Variants in FAM107A observed in about 807,000 individuals in gnomAD.
FAM107A encodes the protein family with sequence similarity 107 member A, also known as actin-associated protein FAM107A.
Under a neutral mutation model 13.7 loss-of-function variants are expected in FAM107A, and 19 were observed. That is an observed-to-expected ratio of 1.38 (90% CI 0.97 to 2.03). The LOEUF is 2.03. Among genes scored for constraint, FAM107A ranks in the 30% most tolerant of loss-of-function variants. The pLI, the probability that FAM107A is intolerant of heterozygous loss-of-function variation, is 0.00. For missense variants in FAM107A, 203 were observed against 184.4 expected (o/e 1.10, Z -0.58); for synonymous variants, 82 against 74.5 (o/e 1.10, Z -0.52).
intron 1 of FAM107A, among the ~76,000 whole-genome samples, chr3:58,610,199 G>A (rs954566659): frequency 1.3e-5 from 2 of 152,166 alleles, no homozygotes; most frequent in Admixed American, 6.5e-5. Flanking sequence ...CATTACCCGC[G>A]TACAACCACC....
At chr3:58,585,038 C>G (rs530217140) in intron 1 of FAM107A, among the ~76,000 whole-genome samples, 1 of 152,198 alleles carries the variant, frequency 6.6e-6, no homozygotes, top group Non-Finnish European at 1.5e-5. Flanking sequence ...TAGAGTGGTG[C>G]AGGGAAGGAG....
In FAM107A at chr3:58,622,457, C is replaced by A. The variant is rs76407373; in HGVS notation, c.-70+4959G>T. Among the ~76,000 whole-genome samples, 13 of 148,302 alleles carry A rather than the reference C, an allele frequency of 8.8e-5. No individual in the cohort carries two copies. In the East Asian group the frequency reaches 1.4e-3, roughly 16 times the overall value. On this transcript the variant is annotated intron_variant, in intron 1 of 3. Coordinates refer to the FAM107A transcript ENST00000465970. ...CTCTGTACTACCCCTATGCCCCCCC[C>A]AAAAGAAAGCATTTAGCATAGTGGC...
chr3:58,625,636 T>C (rs1225066950), intron 1 of FAM107A, among the ~76,000 whole-genome samples: 3 of 152,220 alleles, frequency 2.0e-5, no homozygotes, highest in South Asian at 2.1e-4. Flanking sequence ...TTATTGAATA[T>C]GTATATTTGG....
Position 58,626,871 on chromosome 3 carries a change from C to A in FAM107A, c.-70+545G>T, listed in dbSNP as rs11708342. 2.3e-3 allele frequency: 2,781 copies of A among 1,195,928 alleles called. 51 individuals are homozygous for A. The African/African-American group carries it at 0.037, about 16-fold the overall frequency. The allele number at this position is 1,195,928 out of a possible 1,614,324, so 74.1% of individuals were successfully genotyped here. On this transcript the variant is annotated intron_variant, in intron 1 of 3. Coordinates refer to the FAM107A transcript ENST00000465970. ...CAGGGGGAGGGCTGGTGGGCACTGCCGGCTGAAGCTGCAGGGTAGGTGGGT... is the reference window on the plus strand; with the variant it reads ...CAGGGGGAGGGCTGGTGGGCACTGCAGGCTGAAGCTGCAGGGTAGGTGGGT...
chr3:58,609,815 C>T (rs1457911381), intron 1 of FAM107A, among the ~76,000 whole-genome samples: 2 of 152,210 alleles, frequency 1.3e-5, no homozygotes, highest in African/African-American at 4.8e-5. Flanking sequence ...CTTCCTACAG[C>T]AGGTCTTGTA....
At chr3:58,589,261 G>T, upstream of FAM107A, 1 of 1,533,886 alleles carries the variant, frequency 6.5e-7, no homozygotes, top group Non-Finnish European at 8.7e-7. Flanking sequence ...CCTGAGGAGA[G>T]TATGTTTTCT....
intron 1 of FAM107A, among the ~76,000 whole-genome samples, chr3:58,599,939 G>T (rs1011969536): frequency 2.0e-5 from 3 of 151,824 alleles, no homozygotes; most frequent in South Asian, 2.1e-4. Context: ...GCCTCCCAAA[G>T]TTCTGGGATT....
chr3:58,610,336 G>A (rs1015942561), intron 1 of FAM107A, among the ~76,000 whole-genome samples: 2 of 152,128 alleles, frequency 1.3e-5, no homozygotes, highest in African/African-American at 2.4e-5. Flanking sequence ...GTCTCATGCC[G>A]GACCCCTTAC....
rs1359331767 is a variant in FAM107A, at chr3:58,577,258, C to T, written c.-6+51G>A. The T allele has an allele frequency of 4.1e-5, 38 of 937,066 alleles. No individual in the cohort carries two copies. Among genetic ancestry groups the T allele is most frequent in the Non-Finnish European group, 4.3e-5 (34 of 785,900 alleles). The allele number at this position is 937,066 out of a possible 1,614,324, so 58.0% of individuals were successfully genotyped here. ...GCCCTCCTTCCCTTCCACCTCCTCC[C>T]GAACGGCACCGCTCTCAACAGCAGA... On this transcript the variant is annotated intron_variant, in intron 1 of 3. Coordinates refer to ENST00000360997, the MANE Select transcript of FAM107A (RefSeq NM_001076778.3). This position sits in a 1 kb window ranked among gnomAD's most constrained non-coding sequence, Gnocchi z 4.9.
chr3:58,569,129 G>T lies in FAM107A; in HGVS notation c.170+562C>A, dbSNP rs1186944824. On this transcript the variant is annotated intron_variant, in intron 2 of 3. Coordinates refer to ENST00000360997, the MANE Select transcript of FAM107A (RefSeq NM_001076778.3). The surrounding 1 kb of genome is among the most constrained non-coding windows in gnomAD (Gnocchi z 5.7). ...GCAATCGATGCCCCAGGCACAGTGA[G>T]TGACTCCTGTTTCCTGTTCATTTAC... Among the ~76,000 whole-genome samples the T allele has an allele frequency of 6.6e-6, 1 of 152,186 alleles. No individual in the cohort carries two copies. Among genetic ancestry groups the T allele is most frequent in the South Asian group, 2.1e-4 (1 of 4,830 alleles).
chr3:58,566,563 A>G lies in FAM107A; in HGVS notation c.*25T>C. 4 of 1,548,184 alleles carry G rather than the reference A, an allele frequency of 2.6e-6. No homozygotes were observed. The South Asian group carries it at 4.5e-5, about 17-fold the overall frequency. On this transcript the variant is annotated 3_prime_UTR_variant, in exon 4 of 4. Transcript: ENST00000360997. ...GGAGGCTGTCCAGGCCAGGGTGGGC[A>G]GTGGCCTGAGCCCGGCAGCTGGCCC... is the stretch of plus-strand genomic sequence containing the variant.
chr3:58,574,683 T>C (rs191456397), intron 1 of FAM107A, among the ~76,000 whole-genome samples: 60 of 152,252 alleles, frequency 3.9e-4, no homozygotes, highest in Admixed American at 1.6e-3. Context: ...GGCAAATAAT[T>C]CTCAATATGC....
chr3:58,569,231 G>A lies in FAM107A; in HGVS notation c.170+460C>T, dbSNP rs1209555247. The stretch of plus-strand genomic sequence containing the variant: ...AGTCCCCCTTCAGGTCATAGCTGAG[G>A]CAGCACCGCTCCTGTGAAGTCATTT... On this transcript the variant is annotated intron_variant, in intron 2 of 3. Coordinates refer to ENST00000360997, the MANE Select transcript of FAM107A (RefSeq NM_001076778.3). The surrounding 1 kb of genome is among the most constrained non-coding windows in gnomAD (Gnocchi z 5.7). 2.0e-5 allele frequency among the ~76,000 whole-genome samples: 3 copies of A among 152,150 alleles called. No individual in the cohort carries two copies. The highest frequency in any genetic ancestry group is 6.5e-5 in the Admixed American group (1 of 15,274).
intron 3 of FAM107A, 169 bp from the exon 4 acceptor site, chr3:58,566,864 C>T: frequency 1.6e-6 from 1 of 621,964 alleles, no homozygotes; most frequent in Admixed American, 2.8e-5. Flanking sequence ...AGACTGAGTT[C>T]TCCTTGTGCA....
intron 1 of FAM107A, among the ~76,000 whole-genome samples, chr3:58,593,719 A>G (rs954194303): frequency 6.6e-6 from 1 of 152,038 alleles, no homozygotes; most frequent in African/African-American, 2.4e-5. Flanking sequence ...CTTAGCGAAC[A>G]ATTGCTGGCT....
chr3:58,580,618 T>G (rs776715717), upstream of FAM107A, among the ~76,000 whole-genome samples: 32 of 151,928 alleles, frequency 2.1e-4, no homozygotes, highest in Admixed American at 2.1e-3. Context: ...CTCACTGTGT[T>G]GCCCAGGCTG....
In FAM107A at chr3:58,564,580, G is replaced by A. The variant is rs1019187963; in HGVS notation, c.*2008C>T. 3.9e-5 allele frequency: 6 copies of A among 152,220 alleles called. No homozygotes were observed. Among genetic ancestry groups the A allele is most frequent in the African/African-American group, 1.2e-4 (5 of 41,444 alleles). The allele number at this position is 152,220 out of a possible 1,614,324, so 9.4% of individuals were successfully genotyped here. A position where few individuals can be genotyped will look rare whatever the true frequency, so the allele number is the denominator to read the frequency against. On this transcript the variant is annotated 3_prime_UTR_variant, in exon 4 of 4. Transcript: ENST00000360997. The surrounding 1 kb of genome is among the most constrained non-coding windows in gnomAD (Gnocchi z 5.6). ...TCCCTTCTACCTCTGGGGCTTCATG[G>A]AATGACTTGTTGCCTCCATGGAGCA...
chr3:58,625,464 G>T (rs562899145), intron 1 of FAM107A, among the ~76,000 whole-genome samples: 1 of 152,160 alleles, frequency 6.6e-6, no homozygotes, highest in Non-Finnish European at 1.5e-5. Flanking sequence ...GAGGGTTTTC[G>T]TGCTCCCTGC....
upstream of FAM107A, among the ~76,000 whole-genome samples, chr3:58,587,494 T>A (rs796974927): frequency 1.2e-3 from 178 of 151,518 alleles, no homozygotes; most frequent in East Asian, 0.022. Context: ...TGTGTGTGTG[T>A]GTGTGTGTGT....
Sources: gnomAD v4.1 joint callset for allele counts (sites outside exome capture counted in the v4.1 genomes callset) on GRCh38, gnomAD v4.1.1 for gene constraint, Gnocchi (gnomAD v3.1) non-coding constraint, MANE v1.5 for transcripts, NCBI Gene and HGNC (gene_info 2026-07-23, HGNC 2026-07-21) for gene names.